Variants in NELL2 observed in about 807,000 individuals in gnomAD.
NELL2 encodes the protein protein kinase C-binding protein NELL2.
A neutral mutation model predicts 109.6 loss-of-function variants in NELL2; 41 were observed. The ratio of observed to expected loss-of-function variants is 0.37; its 90% CI spans 0.29 to 0.49. The LOEUF is 0.49. Among genes scored for constraint, NELL2 ranks in the 20% least tolerant of loss-of-function variants. The pLI is 0.98. For synonymous variants in NELL2, 355 were observed against 344.7 expected (o/e 1.03, Z -0.33); for missense variants, 900 against 1,008.3 (o/e 0.89, Z 1.45).
intron 15 of NELL2, among the ~76,000 whole-genome samples, chr12:44,574,256 A>G (rs1197297588): frequency 6.6e-6 from 1 of 151,898 alleles, no homozygotes; most frequent in Non-Finnish European, 1.5e-5. Flanking sequence ...CGTGCGCCAC[A>G]ACGCCTGGCT....
chr12:44,751,931 C>A (rs946737367), intron 9 of NELL2, among the ~76,000 whole-genome samples: 1 of 151,892 alleles, frequency 6.6e-6, no homozygotes, highest in Non-Finnish European at 1.5e-5. Context: ...AAAATATACA[C>A]TCACACTAAC....
intron 2 of NELL2, among the ~76,000 whole-genome samples, chr12:44,862,772 A>G (rs1944879200): frequency 6.6e-6 from 1 of 152,228 alleles, no homozygotes; most frequent in African/African-American, 2.4e-5. Context: ...TAATACCAAC[A>G]GAATGATCAA....
At chr12:44,521,178 AATAT>A (rs1333808248) in intron 18 of NELL2, among the ~76,000 whole-genome samples, 1 of 152,206 alleles carries the variant, frequency 6.6e-6, no homozygotes, top group Non-Finnish European at 1.5e-5. Context: ...AAGTTTTATA[AATAT>A]ATAGAGAAAT....
chr12:44,889,514 T>C (rs1945509908), intron 1 of NELL2, among the ~76,000 whole-genome samples: 1 of 152,048 alleles, frequency 6.6e-6, no homozygotes, highest in East Asian at 1.9e-4. Context: ...AGCATCCACA[T>C]GGACCCAGCC....
At chr12:44,919,120 T>C (rs1204227008), upstream of NELL2, among the ~76,000 whole-genome samples, 1 of 152,184 alleles carries the variant, frequency 6.6e-6, no homozygotes, top group East Asian at 1.9e-4. Context: ...TAAGCCCTTT[T>C]TGGGTATCCA....
chr12:44,580,586 A>C (rs549977320), intron 15 of NELL2, among the ~76,000 whole-genome samples: 3 of 152,216 alleles, frequency 2.0e-5, no homozygotes, highest in Admixed American at 1.3e-4. Flanking sequence ...GGTGGTGGGC[A>C]CCTGTAATCC....
intron 3 of NELL2, among the ~76,000 whole-genome samples, chr12:44,780,916 T>A (rs1249435280): frequency 6.6e-6 from 1 of 152,076 alleles, no homozygotes; most frequent in Non-Finnish European, 1.5e-5. Context: ...CAAAGCAGTG[T>A]CAGAGAAAGC....
intron 13 of NELL2, among the ~76,000 whole-genome samples, chr12:44,621,971 G>A (rs1946077643): frequency 6.6e-6 from 1 of 152,074 alleles, no homozygotes; most frequent in Non-Finnish European, 1.5e-5. Context: ...GTCAGGGATT[G>A]TTAATTCTCT....
chr12:44,594,803 T>G (rs1356587683), intron 15 of NELL2, among the ~76,000 whole-genome samples: 1 of 152,192 alleles, frequency 6.6e-6, no homozygotes, highest in East Asian at 1.9e-4. Context: ...TTTTAGACAC[T>G]TACTAAATAT....
upstream of NELL2, among the ~76,000 whole-genome samples, chr12:44,879,385 C>CTTATAAAATAAA (rs1566586931): frequency 6.6e-6 from 1 of 152,128 alleles, no homozygotes; most frequent in African/African-American, 2.4e-5. Flanking sequence ...GTACTGACTA[C>CTTATAAAATAAA]ATGAGGAAAA....
chr12:44,678,437 T>C (rs1046412644), intron 12 of NELL2, among the ~76,000 whole-genome samples: 3 of 152,026 alleles, frequency 2.0e-5, no homozygotes, highest in African/African-American at 7.2e-5. Flanking sequence ...CGCCATGGCA[T>C]TCACTTCTGG....
chr12:44,528,240 G>C (rs12818463), intron 16 of NELL2, among the ~76,000 whole-genome samples: 1 of 136,468 alleles, frequency 7.3e-6, no homozygotes, highest in Admixed American at 7.3e-5. Context: ...GTTGTTTTTT[G>C]TTTTTTTAAA....
intron 15 of NELL2, among the ~76,000 whole-genome samples, chr12:44,568,652 C>T (rs1344892097): frequency 6.6e-6 from 1 of 151,814 alleles, no homozygotes; most frequent in Admixed American, 6.6e-5. Flanking sequence ...ACATATGAAT[C>T]CTGATAGAAT....
intron 13 of NELL2, among the ~76,000 whole-genome samples, chr12:44,656,137 C>A (rs1366262622): frequency 1.3e-5 from 2 of 152,152 alleles, no homozygotes; most frequent in Admixed American, 6.5e-5. Flanking sequence ...ATGGCCCAGA[C>A]CTGCTGATTG....
intron 15 of NELL2, among the ~76,000 whole-genome samples, chr12:44,587,284 A>AAAAAAAAAAAAAAATAT: frequency 1.2e-4 from 9 of 72,208 alleles, no homozygotes; most frequent in South Asian, 6.9e-4. Context: ...AAAAAAAAAA[A>AAAAAAAAAAAAAAATAT]ATATATATAT....
At chr12:44,828,869 T>C (rs1456078017) in intron 2 of NELL2, among the ~76,000 whole-genome samples, 1 of 152,202 alleles carries the variant, frequency 6.6e-6, no homozygotes, top group Non-Finnish European at 1.5e-5. Flanking sequence ...GATAATAATT[T>C]GGCTTCTAGA....
chr12:44,549,267 A>G (rs10880652), intron 15 of NELL2, among the ~76,000 whole-genome samples: 42,077 of 151,988 alleles, frequency 0.28, 5,895 homozygotes, highest in South Asian at 0.36. Flanking sequence ...GCTAGACTAC[A>G]TGAGTTTCAG....
intron 9 of NELL2, among the ~76,000 whole-genome samples, chr12:44,763,199 C>G (rs1030006483): frequency 6.6e-6 from 1 of 152,302 alleles, no homozygotes; most frequent in East Asian, 1.9e-4. Context: ...AGCCCACTCC[C>G]TCCCTTCTTT....
intron 1 of NELL2, among the ~76,000 whole-genome samples, chr12:44,901,279 C>A (rs1464193789): frequency 6.6e-6 from 1 of 152,148 alleles, no homozygotes; most frequent in East Asian, 1.9e-4. Flanking sequence ...TACATCTACA[C>A]AAATAAACTA....
Sources: gnomAD v4.1 joint callset for allele counts (sites outside exome capture counted in the v4.1 genomes callset) on GRCh38, gnomAD v4.1.1 for gene constraint, MANE v1.5 for transcripts, NCBI Gene and HGNC (gene_info 2026-07-23, HGNC 2026-07-21) for gene names.